The following SOX5 variants were observed in gnomAD, a reference collection of about 807,000 sequenced individuals.
The protein encoded by SOX5 is transcription factor SOX-5.
In SOX5, 9 loss-of-function variants were observed where a neutral mutation model predicts 92.0. That is an observed-to-expected ratio of 0.10 (90% CI 0.06 to 0.17). The LOEUF (loss-of-function observed/expected upper bound fraction) is 0.17, where lower values mean the gene tolerates loss of function less well. Ranked by LOEUF, SOX5 falls within the 10% of genes least tolerant of loss-of-function variation. The probability of loss-of-function intolerance (pLI) is 1.00; values close to 1 mark genes in which losing one functional copy is unlikely to be tolerated. For synonymous variants in SOX5, 344 were observed against 336.3 expected (o/e 1.02, Z -0.25); for missense variants, 642 against 944.5 (o/e 0.68, Z 4.20).
intron 1 of SOX5, among the ~76,000 whole-genome samples, chr12:24,428,866 T>C (rs938274620): frequency 6.6e-6 from 1 of 151,692 alleles, no homozygotes; most frequent in Non-Finnish European, 1.5e-5. Flanking sequence ...GGATTATGTG[T>C]ATGAGTGGGT....
chr12:24,396,633 CAT>C (rs35020558), intron 1 of SOX5, among the ~76,000 whole-genome samples: 8,412 of 152,326 alleles, frequency 0.055, 322 homozygotes, highest in South Asian at 0.086. Flanking sequence ...CATTGACACA[CAT>C]AGAGTTAACC....
intron 3 of SOX5, among the ~76,000 whole-genome samples, chr12:23,791,892 T>C (rs1002248035): frequency 6.6e-6 from 1 of 151,832 alleles, no homozygotes; most frequent in Non-Finnish European, 1.5e-5. Flanking sequence ...TTTTTTGAAA[T>C]AGGTATCACT....
intron 7 of SOX5, among the ~76,000 whole-genome samples, chr12:23,662,541 A>C (rs185459372): frequency 2.1e-3 from 314 of 152,348 alleles, no homozygotes; most frequent in African/African-American, 7.0e-3. Context: ...GAGGCTCAGC[A>C]ACCACATTTT....
At chr12:24,108,631 T>C (rs1417603743) in intron 4 of SOX5, among the ~76,000 whole-genome samples, 2 of 152,172 alleles carry the variant, frequency 1.3e-5, no homozygotes, top group Non-Finnish European at 2.9e-5. Context: ...ACAAGTGGAA[T>C]AGACATTTGT....
intron 9 of SOX5, 150 bp from the exon 10 acceptor site, chr12:23,575,988 T>G: frequency 1.7e-6 from 1 of 573,722 alleles, no homozygotes. Context: ...AGCATTTGCT[T>G]AGCTGTCAAC....
At chr12:24,441,675 T>C (rs1042732472) in intron 1 of SOX5, among the ~76,000 whole-genome samples, 2 of 152,160 alleles carry the variant, frequency 1.3e-5, no homozygotes, top group African/African-American at 4.8e-5. Flanking sequence ...GGTAGTGATA[T>C]AAAAAGTTGA....
intron 4 of SOX5, among the ~76,000 whole-genome samples, chr12:23,966,880 T>TA (rs1201018789): frequency 6.6e-6 from 1 of 152,132 alleles, no homozygotes; most frequent in African/African-American, 2.4e-5. Flanking sequence ...CACCAGCATA[T>TA]AAAACAAATC....
At chr12:24,301,346 T>C (rs1947924856) in intron 2 of SOX5, among the ~76,000 whole-genome samples, 1 of 152,220 alleles carries the variant, frequency 6.6e-6, no homozygotes, top group African/African-American at 2.4e-5. Flanking sequence ...ATGGAAAGCA[T>C]CAATCTCAGT....
At chr12:23,867,324 C>T (rs1323249242) in intron 2 of SOX5, among the ~76,000 whole-genome samples, 1 of 152,074 alleles carries the variant, frequency 6.6e-6, no homozygotes, top group Non-Finnish European at 1.5e-5. Flanking sequence ...TTCTTTTTGG[C>T]TTATGTTTCC....
intron 3 of SOX5, among the ~76,000 whole-genome samples, chr12:24,241,559 T>C (rs1965564168): frequency 6.6e-6 from 1 of 152,114 alleles, no homozygotes; most frequent in African/African-American, 2.4e-5. Context: ...GTTTTTACTA[T>C]TGCTGTACAA....
chr12:23,859,834 C>A (rs2096734774), intron 2 of SOX5, among the ~76,000 whole-genome samples: 1 of 152,064 alleles, frequency 6.6e-6, no homozygotes, highest in African/African-American at 2.4e-5. Context: ...AGAAAAGAAC[C>A]TACATTGAAA....
chr12:23,999,690 A>G (rs571806228), intron 4 of SOX5, among the ~76,000 whole-genome samples: 17 of 152,206 alleles, frequency 1.1e-4, no homozygotes, highest in Admixed American at 2.6e-4. Context: ...AGACAATTAC[A>G]TAAAGCAATA....
intron 11 of SOX5, among the ~76,000 whole-genome samples, chr12:23,550,316 C>T (rs1943950194): frequency 6.6e-6 from 1 of 151,872 alleles, no homozygotes; most frequent in Non-Finnish European, 1.5e-5. Context: ...AAACTCTCTG[C>T]CGTATATATT....
chr12:24,195,049 G>A (rs1956879036), intron 4 of SOX5, among the ~76,000 whole-genome samples: 1 of 151,374 alleles, frequency 6.6e-6, no homozygotes, highest in Non-Finnish European at 1.5e-5. Context: ...TTCCAATATT[G>A]TGTTTGAGGG....
intron 2 of SOX5, among the ~76,000 whole-genome samples, chr12:24,279,859 G>A (rs1051729666): frequency 6.6e-6 from 1 of 152,128 alleles, no homozygotes; most frequent in Non-Finnish European, 1.5e-5. Context: ...CTGACCCTCT[G>A]TAAACTGCAG....
intron 4 of SOX5, among the ~76,000 whole-genome samples, chr12:24,106,560 G>A (rs1167606966): frequency 3.3e-5 from 5 of 152,112 alleles, no homozygotes; most frequent in South Asian, 2.1e-4. Context: ...GGAGGTCGAC[G>A]CAGGCGGATC....
rs565845742 is a variant in SOX5, at chr12:24,035,620, A to G, written c.-1-139596T>C. ...TGATCATAAAGAAAATGCAATAAGCATATTAGGTTAAAAAATAAATCACAC... is the reference window on the plus strand; with the variant it reads ...TGATCATAAAGAAAATGCAATAAGCGTATTAGGTTAAAAAATAAATCACAC... On this transcript the variant is annotated intron_variant, in intron 4 of 4. Coordinates refer to the SOX5 transcript ENST00000446891. Among the ~76,000 whole-genome samples, 35 of 152,258 alleles carry G rather than the reference A, an allele frequency of 2.3e-4. No homozygotes were observed. The South Asian group carries it at 7.2e-3, about 32-fold the overall frequency.
chr12:24,395,704 T>C (rs912264384), intron 1 of SOX5, among the ~76,000 whole-genome samples: 7 of 152,260 alleles, frequency 4.6e-5, no homozygotes, highest in Admixed American at 1.3e-4. Flanking sequence ...ATATCTATGC[T>C]AGGGTGCTAG....
At chr12:24,090,622 C>G (rs188460679) in intron 4 of SOX5, among the ~76,000 whole-genome samples, 1 of 152,176 alleles carries the variant, frequency 6.6e-6, no homozygotes, top group Non-Finnish European at 1.5e-5. Flanking sequence ...ACAGTATGGC[C>G]AAAATATAGA....
Sources: allele counts gnomAD v4.1 joint callset (sites outside exome capture counted in the v4.1 genomes callset), GRCh38; gene constraint gnomAD v4.1.1; transcripts MANE v1.5; gene names NCBI Gene and HGNC (gene_info 2026-07-23, HGNC 2026-07-21).